NRDE2: variants seen among roughly 807,000 people sequenced by gnomAD.
NRDE2 encodes NRDE-2, necessary for RNA interference, domain containing, also known as nuclear exosome regulator NRDE2.
NRDE2 carries 76 observed loss-of-function variants against 124.2 expected under a neutral mutation model. The ratio of observed to expected loss-of-function variants is 0.61; its 90% CI spans 0.51 to 0.74. NRDE2 has a LOEUF of 0.74. Among genes scored for constraint, NRDE2 ranks in the 30% least tolerant of loss-of-function variants. The probability of loss-of-function intolerance (pLI) is 0.00; values close to 1 mark genes in which losing one functional copy is unlikely to be tolerated. For synonymous variants in NRDE2, 489 were observed against 528.1 expected, an observed-to-expected ratio of 0.93 and a Z score of 1.01; for missense variants, 1,314 against 1,417.3, an observed-to-expected ratio of 0.93 and a Z score of 1.17.
chr14:90,303,189 T>C (rs1595066866), intron 5 of NRDE2, 64 bp from the exon 6 acceptor site: 2 of 1,466,806 alleles, frequency 1.4e-6, no homozygotes, highest in Non-Finnish European at 1.8e-6. Context: ...GTTTCAACAA[T>C]GCTTACTGAT....
In NRDE2 at chr14:90,290,740, A is replaced by G. The variant is rs141717363; in HGVS notation, c.1843-133T>C. 11 of 1,130,070 alleles carry G rather than the reference A, an allele frequency of 9.7e-6. No individual in the cohort carries two copies. The African/African-American group carries it at 1.7e-4, about 18-fold the overall frequency. 70.0% of individuals were successfully genotyped at this position (1,130,070 alleles called of 1,614,324 possible). Reference sequence around the variant, plus strand: ...AATCAATTTTAAACAGACAGGAGCTAAGCTCTCTGTTAGCACAAGCCAGAG... The same window carrying G: ...AATCAATTTTAAACAGACAGGAGCTGAGCTCTCTGTTAGCACAAGCCAGAG... On this transcript the variant is annotated intron_variant, in intron 9 of 13. Transcript: ENST00000354366.
rs1342484370 is a variant in NRDE2, at chr14:90,272,094, G to A, written c.*6242C>T. The A allele has an allele frequency of 1.9e-5, 9 of 485,596 alleles. No individual in the cohort carries two copies. Among genetic ancestry groups the A allele is most frequent in the East Asian group, 5.0e-5 (1 of 20,174 alleles). The allele number at this position is 485,596 out of a possible 1,614,324, so 30.1% of individuals were successfully genotyped here. A position where few individuals can be genotyped will look rare whatever the true frequency, so the allele number is the denominator to read the frequency against. ...TTTTTAGTAGAGATGGGGTTTCACC[G>A]TGTTGGCCAGGCTGGTCTTGAACTC... On this transcript the variant is annotated 3_prime_UTR_variant, in exon 14 of 14. Transcript: ENST00000354366. The surrounding 1 kb of genome is among the most constrained non-coding windows in gnomAD (Gnocchi z 4.5).
At chr14:90,301,815 T>TC in intron 6 of NRDE2, 1 of 456,182 alleles carries the variant, frequency 2.2e-6, no homozygotes, top group Non-Finnish European at 4.4e-6. Flanking sequence ...TGTAAACAAA[T>TC]CAAGGTTCCA....
chr14:90,307,845 C>CA (rs1291244986), intron 4 of NRDE2, among the ~76,000 whole-genome samples: 7 of 152,352 alleles, frequency 4.6e-5, no homozygotes, highest in African/African-American at 1.7e-4. Flanking sequence ...ACTGCAGCCT[C>CA]AAAATCCTTC....
At chr14:90,321,549 T>TAAAAAAAAAAAAAAAAAAAAA (rs1012195271) in intron 1 of NRDE2, among the ~76,000 whole-genome samples, 1 of 108,812 alleles carries the variant, frequency 9.2e-6, no homozygotes, top group Non-Finnish European at 1.9e-5. Context: ...CCAGCTCTAT[T>TAAAAAAAAAAAAAAAAAAAAA]AAAAAAAAAA....
intron 11 of NRDE2, among the ~76,000 whole-genome samples, chr14:90,287,881 C>G (rs577373041): frequency 6.6e-6 from 1 of 152,270 alleles, no homozygotes; most frequent in Admixed American, 6.5e-5. Flanking sequence ...AAGCTGCCAC[C>G]TGGCCCCGGT....
chr14:90,294,332 T>C (rs1239251722), intron 8 of NRDE2, among the ~76,000 whole-genome samples: 2 of 151,670 alleles, frequency 1.3e-5, no homozygotes, highest in African/African-American at 2.4e-5. Context: ...AGGATTACCA[T>C]ATGAGGCGAT....
chr14:90,279,354 C>T (rs780198019), intron 12 of NRDE2: 29 of 539,274 alleles, frequency 5.4e-5, no homozygotes, highest in Non-Finnish European at 9.0e-5. Context: ...TTCAAATGGC[C>T]CCAGAGTGTC....
At chr14:90,292,547 G>T (rs2282032) in intron 9 of NRDE2, 150 bp downstream of exon 9, 143,903 of 773,908 alleles carry the variant, frequency 0.19, 14,116 homozygotes, top group South Asian at 0.22. Flanking sequence ...AGTTTCCACA[G>T]ATGAGAACAG....
chr14:90,317,602 T>C (rs1404950187), intron 2 of NRDE2: 1 of 155,642 alleles, frequency 6.4e-6, no homozygotes, highest in Non-Finnish European at 1.4e-5. Flanking sequence ...AGGAGAGATG[T>C]GTGCCATCTT....
rs368814733 is a variant in NRDE2 at position 90,300,242 on chromosome 14, ATTC to A, written c.1545+994_1545+996del. Among the ~76,000 whole-genome samples the A allele has an allele frequency of 1.9e-4, 29 of 152,338 alleles. No individual in the cohort carries two copies. In the East Asian group the frequency reaches 4.4e-3, roughly 23 times the overall value. ...GAGAATCACTTCTGTAGTACAGCCT[ATTC>A]TTAAAATCTCACAGCATGTCTTAAA... On this transcript the variant is annotated intron_variant, in intron 7 of 13. Coordinates refer to ENST00000354366, the MANE Select transcript of NRDE2 (RefSeq NM_017970.4).
At chr14:90,303,841 C>T (rs529883630) in intron 5 of NRDE2, 94 bp downstream of exon 5, 88 of 1,122,460 alleles carry the variant, frequency 7.8e-5, no homozygotes, top group Non-Finnish European at 1.1e-4. Context: ...TGTCAAATTT[C>T]CTCATTTGCT....
Position 90,286,991 on chromosome 14 carries a change from G to A in NRDE2, c.3159-499C>T, listed in dbSNP as rs184034470. Among the ~76,000 whole-genome samples, 500 of 115,420 alleles carry A rather than the reference G, an allele frequency of 4.3e-3. 2 individuals carry two copies. Among genetic ancestry groups the A allele is most frequent in the African/African-American group, 0.015 (452 of 29,978 alleles). The allele number at this position is 115,420 out of a possible 152,430, so 75.7% of individuals were successfully genotyped here. A position where few individuals can be genotyped will look rare whatever the true frequency, so the allele number is the denominator to read the frequency against. Reference sequence around the variant, plus strand: ...GGAGGTTGCAGTGAGCTGAGATCACGCCACTGCATTCCAGCCTGGGCAACA... The same window carrying A: ...GGAGGTTGCAGTGAGCTGAGATCACACCACTGCATTCCAGCCTGGGCAACA... On this transcript the variant is annotated intron_variant, in intron 11 of 13. Transcript: ENST00000354366.
intron 4 of NRDE2, among the ~76,000 whole-genome samples, chr14:90,308,865 G>A (rs1470462378): frequency 2.6e-5 from 4 of 152,082 alleles, no homozygotes; most frequent in Admixed American, 6.6e-5. Context: ...AATGTCAACC[G>A]CACAGGGAAC....
At position 90,290,365 on chromosome 14, in the gene NRDE2, C is replaced by G; in HGVS notation, c.2085G>C (p.Arg695Ser). 6.2e-7 allele frequency: 1 copy of G among 1,614,110 alleles called. No homozygotes were observed. The highest frequency in any genetic ancestry group is 1.1e-5 in the South Asian group (1 of 91,088). ...CCCTGGTCCAGCGAGGATAGCCCAA[C>G]CTATCCATGCGGCCAACACAGCTAG... ...SGASCVGRMD[R>S]LGYPRWTRGQ... Residue 695 changes from arginine to serine, a missense_variant, in exon 10 of 14, where the codon AGG becomes AGC. By Grantham distance (110) the Arg-to-Ser change is moderately radical. Transcript: ENST00000354366.
intron 13 of NRDE2, chr14:90,278,779 C>T (rs1891871962): frequency 1.9e-6 from 1 of 538,870 alleles, no homozygotes. Context: ...GGGACATGAT[C>T]CCAACTCTTT....
chr14:90,311,771 T>A (rs1884846867), intron 4 of NRDE2, among the ~76,000 whole-genome samples: 1 of 151,696 alleles, frequency 6.6e-6, no homozygotes, highest in Admixed American at 6.6e-5. Context: ...AGCTGATGAG[T>A]TAAAAAAAAA....
chr14:90,296,622 A>T (rs1442664369), intron 8 of NRDE2, among the ~76,000 whole-genome samples: 1 of 152,216 alleles, frequency 6.6e-6, no homozygotes, highest in Non-Finnish European at 1.5e-5. Context: ...AAGAAAGGTC[A>T]CACCTGTGAG....
chr14:90,271,349 G>C lies in NRDE2; in HGVS notation c.*6987C>G, dbSNP rs1381092537. Reference sequence around the variant, plus strand: ...AACCCACATAATATGTTTGTTTGCTGTCCTTCTCTATCTATTTCCTTCATT... The same window carrying C: ...AACCCACATAATATGTTTGTTTGCTCTCCTTCTCTATCTATTTCCTTCATT... On this transcript the variant is annotated 3_prime_UTR_variant, in exon 14 of 14. Transcript: ENST00000354366. The C allele has an allele frequency of 6.6e-6, 1 of 152,154 alleles. No homozygotes were observed. The highest frequency in any genetic ancestry group is 1.5e-5 in the Non-Finnish European group (1 of 68,026). 9.4% of individuals were successfully genotyped at this position (152,154 alleles called of 1,614,324 possible). A position where few individuals can be genotyped will look rare whatever the true frequency, so the allele number is the denominator to read the frequency against.
Sources: gnomAD v4.1 joint callset for allele counts (sites outside exome capture counted in the v4.1 genomes callset) on GRCh38, gnomAD v4.1.1 for gene constraint, Gnocchi (gnomAD v3.1) non-coding constraint, MANE v1.5 for transcripts, NCBI Gene and HGNC (gene_info 2026-07-23, HGNC 2026-07-21) for gene names.